PHACTR1: variants seen among roughly 807,000 people sequenced by gnomAD.
PHACTR1 encodes the protein phosphatase and actin regulator 1.
In PHACTR1, 16 loss-of-function variants were observed where a neutral mutation model predicts 69.2. That is an observed-to-expected ratio of 0.23 (90% CI 0.16 to 0.35). The LOEUF (loss-of-function observed/expected upper bound fraction) is 0.35. Ranked by LOEUF, PHACTR1 falls within the 10% of genes least tolerant of loss-of-function variation. PHACTR1 has a pLI of 1.00. For synonymous variants in PHACTR1, 312 were observed against 284.5 expected (o/e 1.10, Z -0.97); for missense variants, 510 against 734.7 (o/e 0.69, Z 3.54).
intron 4 of PHACTR1, among the ~76,000 whole-genome samples, chr6:13,030,660 CT>C (rs1333666343): frequency 1.3e-5 from 2 of 152,184 alleles, no homozygotes; most frequent in Admixed American, 1.3e-4. Context: ...TGTATTATAG[CT>C]GAAACAAGAT....
chr6:13,172,703 TAAAATC>T (rs1760790428), intron 6 of PHACTR1, among the ~76,000 whole-genome samples: 1 of 152,210 alleles, frequency 6.6e-6, no homozygotes, highest in Non-Finnish European at 1.5e-5. Flanking sequence ...AGAAGCCTAT[TAAAATC>T]AAAATAGGAT....
rs76551346 is a variant in PHACTR1 at position 13,011,512 on chromosome 6, T to C, written c.251-41853T>C. Among the ~76,000 whole-genome samples, 423 of 152,330 alleles carry C rather than the reference T, an allele frequency of 2.8e-3. 3 individuals are homozygous for C. In the East Asian group the frequency reaches 0.045, roughly 16 times the overall value. On this transcript the variant is annotated intron_variant, in intron 4 of 14. Coordinates refer to ENST00000332995, the MANE Select transcript of PHACTR1 (RefSeq NM_030948.6). Reference sequence around the variant, plus strand: ...GGGCACATCCTTTAATATTTGAGGCTAAGCTGGTGGCTGTGTCAGTGTTTG... The same window carrying C: ...GGGCACATCCTTTAATATTTGAGGCCAAGCTGGTGGCTGTGTCAGTGTTTG...
intron 4 of PHACTR1, among the ~76,000 whole-genome samples, chr6:12,964,286 C>T (rs932370667): frequency 4.0e-5 from 6 of 151,568 alleles, no homozygotes; most frequent in Non-Finnish European, 8.8e-5. Context: ...AAAATTTTAA[C>T]AAAATATAGA....
At chr6:12,955,479 C>G (rs1285122209) in intron 4 of PHACTR1, among the ~76,000 whole-genome samples, 2 of 152,102 alleles carry the variant, frequency 1.3e-5, no homozygotes, top group Admixed American at 1.3e-4. Flanking sequence ...GATTGAGCCA[C>G]CATGCCTGGC....
At position 12,983,630 on chromosome 6, in the gene PHACTR1, T is replaced by C. The variant is rs573576820; in HGVS notation, c.251-69735T>C. ...GTTACATATGTATCCATGTGCCATG[T>C]TGGTGTGCTGCACCCATTAACTCAT... is the stretch of plus-strand genomic sequence containing the variant. On this transcript the variant is annotated intron_variant, in intron 4 of 14. Coordinates refer to ENST00000332995, the MANE Select transcript of PHACTR1 (RefSeq NM_030948.6). Among the ~76,000 whole-genome samples, 4 of 152,338 alleles carry C rather than the reference T, an allele frequency of 2.6e-5. No homozygotes were observed. The East Asian group carries it at 7.7e-4, about 29-fold the overall frequency.
chr6:12,987,673 A>G (rs1331490343), intron 4 of PHACTR1, among the ~76,000 whole-genome samples: 2 of 152,190 alleles, frequency 1.3e-5, no homozygotes, highest in African/African-American at 4.8e-5. Context: ...GTGTTTAGGC[A>G]GATGCAGCAG....
intron 4 of PHACTR1, among the ~76,000 whole-genome samples, chr6:13,048,865 G>C (rs1175010201): frequency 6.6e-6 from 1 of 152,158 alleles, no homozygotes; most frequent in Non-Finnish European, 1.5e-5. Context: ...TCATAAGTTG[G>C]CTCACTCTTG....
chr6:13,166,925 T>C lies in PHACTR1; in HGVS notation c.496+6641T>C, dbSNP rs565999615. On this transcript the variant is annotated intron_variant, in intron 6 of 14. Transcript: ENST00000332995. ...TCACATATGAATGGACCTATGCAGC[T>C]CAAACCTGTGTCATTCAAGGAGCAA... 5.9e-5 allele frequency among the ~76,000 whole-genome samples: 9 copies of C among 152,286 alleles called. No individual in the cohort carries two copies. The East Asian group carries it at 1.2e-3, about 20-fold the overall frequency.
At chr6:13,076,612 G>A (rs1810513400) in intron 5 of PHACTR1, among the ~76,000 whole-genome samples, 1 of 152,116 alleles carries the variant, frequency 6.6e-6, no homozygotes, top group South Asian at 2.1e-4. Flanking sequence ...ATGAAAAAAT[G>A]CAATTCCTTC....
At chr6:12,939,837 G>A (rs970071468) in intron 4 of PHACTR1, among the ~76,000 whole-genome samples, 1 of 152,114 alleles carries the variant, frequency 6.6e-6, no homozygotes, top group Admixed American at 6.6e-5. Context: ...AAGTTTTATA[G>A]CCAGCAAATG....
At chr6:12,996,757 A>G (rs1256385698) in intron 4 of PHACTR1, among the ~76,000 whole-genome samples, 1 of 152,272 alleles carries the variant, frequency 6.6e-6, no homozygotes, top group African/African-American at 2.4e-5. Flanking sequence ...GAGAAGGACC[A>G]TATAAGAGAG....
chr6:13,229,901 C>G (rs776725520), intron 9 of PHACTR1, 136 bp from the exon 10 acceptor site: 28 of 1,011,236 alleles, frequency 2.8e-5, no homozygotes, highest in Non-Finnish European at 3.7e-5. Flanking sequence ...ACTCTAGGAA[C>G]TGAGGCATTA....
At chr6:13,145,244 A>G (rs147327375) in intron 5 of PHACTR1, among the ~76,000 whole-genome samples, 105 of 152,322 alleles carry the variant, frequency 6.9e-4, no homozygotes, top group African/African-American at 2.4e-3. Flanking sequence ...AGCTGAGCAA[A>G]TATTTGCCTT....
chr6:12,880,143 A>T (rs1180173832), intron 4 of PHACTR1, among the ~76,000 whole-genome samples: 3 of 152,120 alleles, frequency 2.0e-5, no homozygotes, highest in Non-Finnish European at 2.9e-5. Context: ...AAATGAGGAA[A>T]TGGAACTCCA....
rs186119825 is a variant in PHACTR1 at position 12,905,548 on chromosome 6, G to A, written c.251-147817G>A. 3.1e-3 allele frequency among the ~76,000 whole-genome samples: 467 copies of A among 152,280 alleles called. 3 individuals are homozygous for A. The highest frequency in any genetic ancestry group is 4.2e-3 in the Non-Finnish European group (285 of 68,032). ...TGCTGTCATTTCCGGTCTAGTGAAGGAGATAGAGGAGAGTGACAGTTCTAT... is the reference window on the plus strand; with the variant it reads ...TGCTGTCATTTCCGGTCTAGTGAAGAAGATAGAGGAGAGTGACAGTTCTAT... On this transcript the variant is annotated intron_variant, in intron 4 of 14. Transcript: ENST00000332995.
At chr6:13,116,102 T>G (rs1817782217) in intron 5 of PHACTR1, among the ~76,000 whole-genome samples, 1 of 152,192 alleles carries the variant, frequency 6.6e-6, no homozygotes. Flanking sequence ...GGTTTTTCTG[T>G]AAAAGTTCTA....
chr6:13,028,215 T>C (rs925005959), intron 4 of PHACTR1, among the ~76,000 whole-genome samples: 21 of 152,194 alleles, frequency 1.4e-4, no homozygotes, highest in African/African-American at 4.3e-4. Flanking sequence ...TGCGTTAGAA[T>C]CTTCCAATAG....
At chr6:13,127,304 C>A (rs569641683) in intron 5 of PHACTR1, among the ~76,000 whole-genome samples, 2 of 152,154 alleles carry the variant, frequency 1.3e-5, no homozygotes, top group African/African-American at 2.4e-5. Flanking sequence ...TGGTAGCTCA[C>A]GCCTGTAATC....
At chr6:12,956,747 G>T (rs1791944076) in intron 4 of PHACTR1, among the ~76,000 whole-genome samples, 1 of 152,080 alleles carries the variant, frequency 6.6e-6, no homozygotes, top group Non-Finnish European at 1.5e-5. Flanking sequence ...GAAGATTCTC[G>T]GTTTTAGGTT....
Sources: gnomAD v4.1 joint callset for allele counts (sites outside exome capture counted in the v4.1 genomes callset) on GRCh38, gnomAD v4.1.1 for gene constraint, MANE v1.5 for transcripts, NCBI Gene and HGNC (gene_info 2026-07-23, HGNC 2026-07-21) for gene names.